FGF6: variants seen among roughly 807,000 people sequenced by gnomAD.
FGF6 encodes the protein FGF-6.
FGF6 carries 14 observed loss-of-function variants against 18.4 expected under a neutral mutation model. The observed-to-expected ratio is 0.76, with a 90% CI of 0.50 to 1.19. The LOEUF (loss-of-function observed/expected upper bound fraction) is 1.19, where lower values mean the gene tolerates loss of function less well. Ranked by LOEUF, FGF6 falls within the 50% of genes most tolerant of loss-of-function variation. The pLI is 0.00. For missense variants in FGF6, 266 were observed against 271.6 expected, an observed-to-expected ratio of 0.98 and a Z score of 0.15; for synonymous variants, 125 against 116.7, an observed-to-expected ratio of 1.07 and a Z score of -0.46.
At chr12:4,439,571 T>G (rs1315069857) in intron 2 of FGF6, among the ~76,000 whole-genome samples, 1 of 152,212 alleles carries the variant, frequency 6.6e-6, no homozygotes, top group Non-Finnish European at 1.5e-5. Context: ...TGTTTAAGCA[T>G]GCATGACCAT....
intron 2 of FGF6, 22 bp from the exon 3 acceptor site, chr12:4,434,413 A>G: frequency 6.2e-7 from 1 of 1,613,762 alleles, no homozygotes; most frequent in African/African-American, 1.3e-5. Context: ...ATGGGCAAAC[A>G]GCAGAGACTG....
In FGF6 at chr12:4,445,644, G is replaced by A. The variant is rs1865756629; in HGVS notation, c.-74C>T. ...CCGCCCTTCTTGTTTTTCTCCCTCC[G>A]GCATGGCGGCAGGGGCTTATTTTTG... is the stretch of plus-strand genomic sequence containing the variant. On this transcript the variant is annotated 5_prime_UTR_variant, in exon 1 of 3. Transcript: ENST00000228837. This position sits in a 1 kb window ranked among gnomAD's most constrained non-coding sequence, Gnocchi z 5.5. 1 of 1,239,868 alleles carries A rather than the reference G, an allele frequency of 8.1e-7. No individual in the cohort carries two copies. The highest frequency in any genetic ancestry group is 1.1e-6 in the Non-Finnish European group (1 of 910,510). The allele number at this position is 1,239,868 out of a possible 1,614,324, so 76.8% of individuals were successfully genotyped here. A position where few individuals can be genotyped will look rare whatever the true frequency, so the allele number is the denominator to read the frequency against.
intron 2 of FGF6, among the ~76,000 whole-genome samples, chr12:4,439,430 G>C (rs1405700064): frequency 2.6e-5 from 4 of 152,140 alleles, no homozygotes; most frequent in African/African-American, 9.7e-5. Context: ...TGAGGTGGAG[G>C]AAGGGGAAGT....
intron 2 of FGF6, among the ~76,000 whole-genome samples, chr12:4,437,512 G>A (rs779080052): frequency 1.1e-4 from 17 of 152,138 alleles, no homozygotes; most frequent in Admixed American, 2.6e-4. Flanking sequence ...GACTTCAGTC[G>A]TTGGTGGGCA....
chr12:4,442,736 T>C (rs1034298571), intron 2 of FGF6, among the ~76,000 whole-genome samples: 1 of 152,194 alleles, frequency 6.6e-6, no homozygotes, highest in African/African-American at 2.4e-5. Context: ...CTTCCTGTCC[T>C]CGCCATCACT....
At chr12:4,438,293 T>C (rs1376120972) in intron 2 of FGF6, among the ~76,000 whole-genome samples, 1 of 152,216 alleles carries the variant, frequency 6.6e-6, no homozygotes, top group Non-Finnish European at 1.5e-5. Context: ...TGTCCTCTGA[T>C]GTGTATACTG....
At chr12:4,439,482 T>C (rs1865663213) in intron 2 of FGF6, among the ~76,000 whole-genome samples, 1 of 152,150 alleles carries the variant, frequency 6.6e-6, no homozygotes, top group African/African-American at 2.4e-5. Flanking sequence ...CTCAAGCCAT[T>C]GCCCACTTCC....
Position 4,434,159 on chromosome 12 carries a change from A to T in FGF6, c.*56T>A, listed in dbSNP as rs1865600267. 2.8e-5 allele frequency: 44 copies of T among 1,589,072 alleles called. No homozygotes were observed. In the South Asian group the frequency reaches 4.9e-4, roughly 18 times the overall value. On this transcript the variant is annotated 3_prime_UTR_variant, in exon 3 of 3. Transcript: ENST00000228837. The stretch of plus-strand genomic sequence containing the variant: ...GGCAAGGGGAATTCTTCGCTGGTGC[A>T]AAATTTCAATCGAACAGATGATGCT...
At chr12:4,444,781 G>A (rs534426505) in intron 1 of FGF6, among the ~76,000 whole-genome samples, 8 of 152,270 alleles carry the variant, frequency 5.3e-5, no homozygotes, top group South Asian at 4.1e-4. Context: ...AGAGGGAGCC[G>A]CTGAAATAAA....
At chr12:4,444,972 T>G (rs1468300708) in intron 1 of FGF6, among the ~76,000 whole-genome samples, 5 of 152,154 alleles carry the variant, frequency 3.3e-5, no homozygotes, top group Non-Finnish European at 5.9e-5. Flanking sequence ...AGGCATCAGA[T>G]GGGCCAGTAA....
At chr12:4,443,391 G>A (rs570031289) in intron 2 of FGF6, among the ~76,000 whole-genome samples, 1 of 152,322 alleles carries the variant, frequency 6.6e-6, no homozygotes, top group South Asian at 2.1e-4. Flanking sequence ...AGCCTCATCG[G>A]GATGTTTGCC....
Position 4,439,659 on chromosome 12 carries a change from CT to C in FGF6, c.450+4473del, listed in dbSNP as rs548109801. Among the ~76,000 whole-genome samples, 1,250 of 146,800 alleles carry C rather than the reference CT, an allele frequency of 8.5e-3. 19 individuals carry two copies. Among genetic ancestry groups the C allele is most frequent in the African/African-American group, 0.027 (1,082 of 40,196 alleles). On this transcript the variant is annotated intron_variant, in intron 2 of 2. Transcript: ENST00000228837. ...AATCCACTCCCCCTCAACATACACA[CT>C]TTTTTTTTTTCTGTTTCTATTTTTT...
intron 2 of FGF6, among the ~76,000 whole-genome samples, chr12:4,440,308 G>C (rs764060248): frequency 5.9e-5 from 9 of 152,192 alleles, no homozygotes. Context: ...TGCCTCCAAA[G>C]TGTGAGGTGG....
chr12:4,442,723 C>A (rs538654667), intron 2 of FGF6, among the ~76,000 whole-genome samples: 5 of 152,292 alleles, frequency 3.3e-5, no homozygotes, highest in African/African-American at 1.2e-4. Context: ...TGGTCCCAGG[C>A]CTCTTCCTGT....
rs369390776 is a variant in FGF6 at position 4,434,419 on chromosome 12, G to A, written c.451-28C>T. The A allele has an allele frequency of 2.5e-6, 4 of 1,613,096 alleles. No individual in the cohort carries two copies. In the African/African-American group the frequency reaches 5.3e-5, roughly 22 times the overall value. The stretch of plus-strand genomic sequence containing the variant: ...GTGGAAGACATGGGCAAACAGCAGA[G>A]ACTGGGTTACAAATGAGGAGTGCTG... On this transcript the variant is annotated intron_variant, in intron 2 of 2. Transcript: ENST00000228837.
At chr12:4,435,809 C>T (rs1422823537) in intron 2 of FGF6, among the ~76,000 whole-genome samples, 7 of 152,154 alleles carry the variant, frequency 4.6e-5, no homozygotes, top group Admixed American at 4.6e-4. Flanking sequence ...ATTCCCAGTA[C>T]ATCACCCCAA....
intron 2 of FGF6, among the ~76,000 whole-genome samples, chr12:4,434,708 A>G (rs185737733): frequency 9.2e-5 from 14 of 152,310 alleles, no homozygotes; most frequent in African/African-American, 3.4e-4. Context: ...TGACTTCCAG[A>G]GTAGTTTCTA....
chr12:4,439,114 T>G (rs1353242825), intron 2 of FGF6, among the ~76,000 whole-genome samples: 1 of 152,190 alleles, frequency 6.6e-6, no homozygotes, highest in Non-Finnish European at 1.5e-5. Flanking sequence ...GATACTTTTT[T>G]CTCCTTAAAA....
At chr12:4,442,603 C>T (rs1285540599) in intron 2 of FGF6, among the ~76,000 whole-genome samples, 1 of 152,180 alleles carries the variant, frequency 6.6e-6, no homozygotes, top group East Asian at 1.9e-4. Context: ...GCCTAAATTC[C>T]CGGCTCTCCC....
Sources: allele counts gnomAD v4.1 joint callset (sites outside exome capture counted in the v4.1 genomes callset), GRCh38; gene constraint gnomAD v4.1.1; non-coding constraint Gnocchi (gnomAD v3.1); transcripts MANE v1.5; gene names NCBI Gene and HGNC (gene_info 2026-07-23, HGNC 2026-07-21).